The following CHAT variants were observed in gnomAD, a reference collection of about 807,000 sequenced individuals.
CHAT encodes acetyl CoA:choline O-acetyltransferase.
In CHAT, 61 loss-of-function variants were observed where a neutral mutation model predicts 76.9. The observed-to-expected ratio is 0.79, with a 90% confidence interval of 0.65 to 0.98. The LOEUF (loss-of-function observed/expected upper bound fraction) is 0.98. CHAT is among the 50% of genes least tolerant of loss of function. The pLI, the probability that CHAT is intolerant of heterozygous loss-of-function variation, is 0.00. For synonymous variants in CHAT, 407 were observed against 397.4 expected, an observed-to-expected ratio of 1.02 and a Z score of -0.29; for missense variants, 946 against 986.9, an observed-to-expected ratio of 0.96 and a Z score of 0.56.
chr10:49,643,084 G>A (rs973054196), intron 7 of CHAT, among the ~76,000 whole-genome samples: 3 of 152,234 alleles, frequency 2.0e-5, no homozygotes, highest in East Asian at 1.9e-4. Context: ...GAGAAACCTT[G>A]TAAATGGCCT....
upstream of CHAT, chr10:49,612,541 G>C: frequency 1.7e-6 from 1 of 573,606 alleles, no homozygotes; most frequent in Non-Finnish European, 3.0e-6. Flanking sequence ...TTGGAGCACC[G>C]AGGCCAGCGA....
intron 7 of CHAT, among the ~76,000 whole-genome samples, chr10:49,631,319 C>A (rs779802095): frequency 2.0e-5 from 3 of 152,190 alleles, no homozygotes; most frequent in Admixed American, 1.3e-4. Flanking sequence ...GTCGATGCCA[C>A]CTTCTCTGTG....
chr10:49,632,486 GC>G (rs1839158944), intron 7 of CHAT, among the ~76,000 whole-genome samples: 1 of 152,160 alleles, frequency 6.6e-6, no homozygotes, highest in African/African-American at 2.4e-5. Context: ...CTAAGATCCT[GC>G]CCCCACTTCC....
upstream of CHAT, chr10:49,610,873 C>A (rs1472244815): frequency 5.0e-6 from 8 of 1,613,278 alleles, no homozygotes; most frequent in Non-Finnish European, 6.8e-6. Context: ...GGCGCTGTTA[C>A]TGGACAACAT....
intron 11 of CHAT, among the ~76,000 whole-genome samples, chr10:49,654,598 G>A (rs2132828577): frequency 6.6e-6 from 1 of 152,348 alleles, no homozygotes; most frequent in Admixed American, 6.5e-5. Flanking sequence ...CCATGGGTCT[G>A]TCAGAAGCCC....
intron 4 of CHAT, among the ~76,000 whole-genome samples, chr10:49,620,963 C>T (rs947150661): frequency 3.9e-5 from 6 of 152,202 alleles, no homozygotes; most frequent in Non-Finnish European, 2.9e-5. Flanking sequence ...AAACACTGCC[C>T]CAGGCTGTCT....
At chr10:49,643,848 T>C (rs1287282209) in intron 7 of CHAT, among the ~76,000 whole-genome samples, 1 of 152,166 alleles carries the variant, frequency 6.6e-6, no homozygotes, top group Non-Finnish European at 1.5e-5. Context: ...GTGCTTGCCT[T>C]GTTCAGGAGG....
At chr10:49,652,135 A>G in intron 11 of CHAT, 129 bp downstream of exon 11, 1 of 1,262,680 alleles carries the variant, frequency 7.9e-7, no homozygotes, top group Non-Finnish European at 1.1e-6. Flanking sequence ...AGAGGGACTG[A>G]GGCTGCATGA....
rs1232582719 is a variant in CHAT, at chr10:49,655,234, C to T, written c.1774C>T (p.Pro592Ser). ...RAVTDHKAAV[P>S]ASEKLLLLKD... is the part of the protein sequence containing the mutation. ...CGTGACTGACCACAAGGCTGCTGTG[C>T]CAGTAAGTCCCGCCCCACCCCACGG... The change falls in exon 12 of 15, where the codon CCA (proline) becomes TCA (serine). Residue 592 changes from proline (P) to serine (S), a missense_variant and splice_region_variant. By Grantham distance (74) the Pro-to-Ser change is moderately conservative (BLOSUM62 -1). Around this residue, in one of 3 missense-constraint regions of CHAT, gnomAD observed 349 missense variants for 393.9 expected, o/e 0.89. Coordinates refer to ENST00000337653, the MANE Select transcript of CHAT (RefSeq NM_020549.5). 1 of 1,613,894 alleles carries T rather than the reference C, an allele frequency of 6.2e-7. No individual in the cohort carries two copies. Among genetic ancestry groups the T allele is most frequent in the Non-Finnish European group, 8.5e-7 (1 of 1,180,048 alleles).
intron 7 of CHAT, among the ~76,000 whole-genome samples, chr10:49,633,644 A>G (rs1839200270): frequency 6.6e-6 from 1 of 152,154 alleles, no homozygotes; most frequent in Non-Finnish European, 1.5e-5. Context: ...GGAGGAGCCA[A>G]CCCGTTATCC....
intron 5 of CHAT, among the ~76,000 whole-genome samples, chr10:49,624,249 A>G (rs1409896860): frequency 6.6e-6 from 1 of 152,236 alleles, no homozygotes; most frequent in Non-Finnish European, 1.5e-5. Context: ...AAACAACAAA[A>G]AATTGATTAC....
chr10:49,614,515 C>G lies in CHAT; in HGVS notation c.286+40C>G, dbSNP rs1838409757. ...TGGGCTGGGCTGGCGGAGCGCGGTG[C>G]CGGGAGCAAGGGCGGCGGTCGGGGG... is the stretch of plus-strand genomic sequence containing the variant. On this transcript the variant is annotated intron_variant, in intron 1 of 14. Transcript: ENST00000337653. 5 of 1,525,504 alleles carry G rather than the reference C, an allele frequency of 3.3e-6. No individual in the cohort carries two copies. The South Asian group carries it at 4.8e-5, about 15-fold the overall frequency. 94.5% of individuals were successfully genotyped at this position (1,525,504 alleles called of 1,614,324 possible).
chr10:49,654,424 CT>C (rs1395726451), intron 11 of CHAT, among the ~76,000 whole-genome samples: 1 of 152,270 alleles, frequency 6.6e-6, no homozygotes, highest in Non-Finnish European at 1.5e-5. Flanking sequence ...ACATCAAGGA[CT>C]TTACCAAGTG....
At chr10:49,641,121 G>A (rs1252054565) in intron 7 of CHAT, among the ~76,000 whole-genome samples, 2 of 152,212 alleles carry the variant, frequency 1.3e-5, no homozygotes, top group African/African-American at 2.4e-5. Flanking sequence ...TTCTCTCTGT[G>A]CACACATGCT....
chr10:49,656,280 T>C (rs1219132466), intron 13 of CHAT, among the ~76,000 whole-genome samples: 1 of 114,362 alleles, frequency 8.7e-6, no homozygotes, highest in African/African-American at 3.2e-5. Flanking sequence ...ATGTATTCAG[T>C]GGGTTTTTTT....
At chr10:49,652,040 G>A (rs367611075) in intron 11 of CHAT, 34 bp downstream of exon 11, 8 of 1,613,902 alleles carry the variant, frequency 5.0e-6, no homozygotes, top group Admixed American at 1.7e-5. Context: ...GTACCCTGGA[G>A]GGCTGACGGA....
At chr10:49,629,065 C>G (rs903647523) in intron 7 of CHAT, among the ~76,000 whole-genome samples, 2 of 152,250 alleles carry the variant, frequency 1.3e-5, no homozygotes, top group African/African-American at 4.8e-5. Flanking sequence ...CACTGTGGCC[C>G]GTTCGCTTAC....
intron 10 of CHAT, among the ~76,000 whole-genome samples, chr10:49,649,872 T>A (rs11101194): frequency 2.1e-3 from 81 of 38,918 alleles, no homozygotes; most frequent in South Asian, 4.3e-3. Context: ...GGCTATTTTT[T>A]TTTTTTTTTT....
At chr10:49,632,708 C>T (rs535725794) in intron 7 of CHAT, among the ~76,000 whole-genome samples, 1 of 152,196 alleles carries the variant, frequency 6.6e-6, no homozygotes, top group Non-Finnish European at 1.5e-5. Context: ...ATTTTATCAA[C>T]CTCTCTCCTT....
Sources: gnomAD v4.1 joint callset for allele counts (sites outside exome capture counted in the v4.1 genomes callset) on GRCh38, gnomAD v4.1.1 for gene constraint, gnomAD v4.1.1 regional missense constraint, MANE v1.5 for transcripts, NCBI Gene and HGNC (gene_info 2026-07-23, HGNC 2026-07-21) for gene names.